Variants in ANGPT1 observed in about 807,000 individuals in gnomAD.
ANGPT1 encodes the protein angiopoietin 1, also known as angiopoietin-1.
ANGPT1 carries 17 observed loss-of-function variants against 62.2 expected under a neutral mutation model. The observed-to-expected ratio is 0.27, with a 90% CI of 0.19 to 0.41. ANGPT1 has a LOEUF of 0.41. ANGPT1 is among the 10% of genes least tolerant of loss of function. ANGPT1 has a pLI of 1.00. For synonymous variants in ANGPT1, 199 were observed against 198.9 expected (o/e 1.00, Z 0.00); for missense variants, 478 against 594.9 (o/e 0.80, Z 2.04).
intron 7 of ANGPT1, among the ~76,000 whole-genome samples, chr8:107,274,620 A>T (rs1356087497): frequency 6.6e-6 from 1 of 152,158 alleles, no homozygotes; most frequent in Admixed American, 6.6e-5. Flanking sequence ...ACTTAAGGAC[A>T]TGATACTTTA....
chr8:107,354,532 T>C (rs1350060494), intron 1 of ANGPT1, among the ~76,000 whole-genome samples: 1 of 152,218 alleles, frequency 6.6e-6, no homozygotes, highest in Non-Finnish European at 1.5e-5. Context: ...TACAAGAGTC[T>C]ATAAGGTTTG....
intron 1 of ANGPT1, among the ~76,000 whole-genome samples, chr8:107,445,163 C>G (rs909645248): frequency 1.3e-5 from 2 of 152,146 alleles, no homozygotes; most frequent in African/African-American, 4.8e-5. Flanking sequence ...AGAATCTTTT[C>G]TATTGGAGGC....
chr8:107,455,638 C>CA (rs1811900546), intron 1 of ANGPT1, among the ~76,000 whole-genome samples: 1 of 151,864 alleles, frequency 6.6e-6, no homozygotes, highest in African/African-American at 2.4e-5. Context: ...ACTTTATTAA[C>CA]AAAAAAATAG....
chr8:107,294,295 G>A (rs956158555), intron 5 of ANGPT1: 1 of 310,824 alleles, frequency 3.2e-6, no homozygotes, highest in African/African-American at 2.2e-5. Flanking sequence ...TTAAGTCTTT[G>A]TCTCAGACTA....
chr8:107,276,441 T>C (rs1407115394), intron 7 of ANGPT1, among the ~76,000 whole-genome samples: 1 of 151,988 alleles, frequency 6.6e-6, no homozygotes, highest in Non-Finnish European at 1.5e-5. Flanking sequence ...CAGGACTATG[T>C]AGCCCAGAGG....
intron 1 of ANGPT1, among the ~76,000 whole-genome samples, chr8:107,416,508 T>C (rs1810750832): frequency 6.6e-6 from 1 of 152,200 alleles, no homozygotes; most frequent in Non-Finnish European, 1.5e-5. Flanking sequence ...CACCTTCCTG[T>C]AGGCTTCCCT....
chr8:107,423,585 ACTC>A (rs1294239556), intron 1 of ANGPT1, among the ~76,000 whole-genome samples: 2 of 150,530 alleles, frequency 1.3e-5, no homozygotes, highest in Non-Finnish European at 3.0e-5. Flanking sequence ...ACACCCCCCG[ACTC>A]CTCCTCACTC....
intron 8 of ANGPT1, among the ~76,000 whole-genome samples, chr8:107,261,099 G>C (rs1367790228): frequency 6.6e-6 from 1 of 152,086 alleles, no homozygotes; most frequent in African/African-American, 2.4e-5. Context: ...TTTGAAAATA[G>C]ACATGGAGAA....
chr8:107,253,101 T>C (rs1158624806), intron 8 of ANGPT1, among the ~76,000 whole-genome samples: 1 of 152,206 alleles, frequency 6.6e-6, no homozygotes, highest in Non-Finnish European at 1.5e-5. Context: ...AGCTGGCTTG[T>C]GTTTATAAAG....
chr8:107,270,747 T>C (rs764793110), intron 7 of ANGPT1, among the ~76,000 whole-genome samples: 3 of 152,006 alleles, frequency 2.0e-5, no homozygotes, highest in Non-Finnish European at 4.4e-5. Context: ...TAGAAAAATA[T>C]ATGAAGCAAA....
rs192686290 is a variant in ANGPT1, at chr8:107,387,574, C to T, written c.298-40477G>A. 1.6e-4 allele frequency among the ~76,000 whole-genome samples: 25 copies of T among 151,852 alleles called. No individual in the cohort carries two copies. In the East Asian group the frequency reaches 2.9e-3, roughly 18 times the overall value. On this transcript the variant is annotated intron_variant, in intron 1 of 8. Transcript: ENST00000517746. ...AATAGTAATAAATAGTACGATAGCA[C>T]GAATCATACTATAGTACGATCGTAC...
chr8:107,348,071 T>G (rs190808107), intron 1 of ANGPT1, among the ~76,000 whole-genome samples: 1 of 152,270 alleles, frequency 6.6e-6, no homozygotes. Flanking sequence ...CTACTACACA[T>G]ATAGGGAAAT....
intron 7 of ANGPT1, among the ~76,000 whole-genome samples, chr8:107,276,259 A>G (rs1319060434): frequency 6.6e-6 from 1 of 152,226 alleles, no homozygotes; most frequent in Non-Finnish European, 1.5e-5. Context: ...ATTTGAAAAC[A>G]CAAATAAGAC....
intron 1 of ANGPT1, among the ~76,000 whole-genome samples, chr8:107,394,058 A>C (rs1197032900): frequency 2.0e-5 from 3 of 152,162 alleles, no homozygotes; most frequent in Non-Finnish European, 4.4e-5. Context: ...GAAATGATAC[A>C]GGTTTATAGA....
intron 1 of ANGPT1, among the ~76,000 whole-genome samples, chr8:107,416,246 C>T (rs1395125732): frequency 6.6e-6 from 1 of 152,162 alleles, no homozygotes; most frequent in Non-Finnish European, 1.5e-5. Context: ...AACTTCTCAC[C>T]AACTGGCTTC....
intron 7 of ANGPT1, among the ~76,000 whole-genome samples, chr8:107,266,706 G>A (rs1482735620): frequency 6.9e-6 from 1 of 144,276 alleles, no homozygotes; most frequent in Non-Finnish European, 1.6e-5. Flanking sequence ...GTAGCTTTAA[G>A]CTCACTAATA....
Position 107,302,306 on chromosome 8 carries a change from G to A in ANGPT1, c.936+934C>T, listed in dbSNP as rs146126223. On this transcript the variant is annotated intron_variant, in intron 5 of 8. Coordinates refer to ENST00000517746, the MANE Select transcript of ANGPT1 (RefSeq NM_001146.5). ...GTGGGGGCATGAGGGGAGGACAGTTGTTTTATCCTGTAAGGGCATGCGGTC... is the reference window on the plus strand; with the variant it reads ...GTGGGGGCATGAGGGGAGGACAGTTATTTTATCCTGTAAGGGCATGCGGTC... 5.8e-4 allele frequency among the ~76,000 whole-genome samples: 88 copies of A among 151,946 alleles called. No individual in the cohort carries two copies. In the East Asian group the frequency reaches 0.014, roughly 24 times the overall value.
Position 107,250,109 on chromosome 8 carries a change from T to TA in ANGPT1, c.*1745dup, listed in dbSNP as rs2129969742. The stretch of plus-strand genomic sequence containing the variant: ...TATTTTCTCAAATGGAGGAAACCAT[T>TA]AAGGCATAGTGGATCAAGTCACCAA... On this transcript the variant is annotated 3_prime_UTR_variant, in exon 9 of 9. Transcript: ENST00000517746. 6.6e-6 allele frequency: 1 copy of TA among 152,538 alleles called. No individual in the cohort carries two copies. The highest frequency in any genetic ancestry group is 1.5e-5 in the Non-Finnish European group (1 of 67,994). 9.4% of individuals were successfully genotyped at this position (152,538 alleles called of 1,614,324 possible).
At chr8:107,357,694 T>C (rs1377767244) in intron 1 of ANGPT1, among the ~76,000 whole-genome samples, 1 of 152,106 alleles carries the variant, frequency 6.6e-6, no homozygotes, top group Non-Finnish European at 1.5e-5. Flanking sequence ...CAATGAAACA[T>C]TACAGGACAG....
Sources: gnomAD v4.1 joint callset for allele counts (sites outside exome capture counted in the v4.1 genomes callset) on GRCh38, gnomAD v4.1.1 for gene constraint, MANE v1.5 for transcripts, NCBI Gene and HGNC (gene_info 2026-07-23, HGNC 2026-07-21) for gene names.